Variants in CCDC171 observed in about 807,000 individuals in gnomAD.
The protein encoded by CCDC171 is coiled-coil domain-containing protein 171.
A neutral mutation model predicts 168.2 loss-of-function variants in CCDC171; 177 were observed. The observed-to-expected ratio is 1.05, with a 90% confidence interval of 0.93 to 1.19. The LOEUF (loss-of-function observed/expected upper bound fraction) is 1.19. Ranked by LOEUF, CCDC171 falls within the 50% of genes most tolerant of loss-of-function variation. The pLI is 0.00. For synonymous variants in CCDC171, 687 were observed against 540.8 expected, an observed-to-expected ratio of 1.27 and a Z score of -3.75; for missense variants, 1,991 against 1,539.0, an observed-to-expected ratio of 1.29 and a Z score of -4.91.
chr9:16,087,320 G>A, the CCDC171 span, among the ~76,000 whole-genome samples: 1 of 152,190 alleles, frequency 6.6e-6, no homozygotes, highest in Non-Finnish European at 1.5e-5. Flanking sequence ...GTCTAATATT[G>A]ACAGTGGGGT....
chr9:15,673,504 T>C (rs911355396), intron 9 of CCDC171, among the ~76,000 whole-genome samples: 6 of 152,332 alleles, frequency 3.9e-5, no homozygotes, highest in African/African-American at 1.4e-4. Flanking sequence ...TAGCTCTTAT[T>C]ATTTTGAGAT....
intron 3 of CCDC171, among the ~76,000 whole-genome samples, chr9:15,983,969 T>C (rs186786508): frequency 7.9e-4 from 120 of 152,158 alleles, no homozygotes; most frequent in East Asian, 4.1e-3. Context: ...ACCAGAACCA[T>C]TGAGGCAGCA....
At chr9:15,827,918 G>T (rs2060081102) in intron 21 of CCDC171, among the ~76,000 whole-genome samples, 1 of 152,124 alleles carries the variant, frequency 6.6e-6, no homozygotes, top group African/African-American at 2.4e-5. Context: ...TGAAGGAAAA[G>T]GATTCATCTT....
At chr9:15,897,330 A>G (rs887451754) in intron 24 of CCDC171, among the ~76,000 whole-genome samples, 6 of 151,904 alleles carry the variant, frequency 3.9e-5, no homozygotes, top group African/African-American at 1.5e-4. Context: ...GATTTGCTAT[A>G]ATTTCTAAGC....
intron 21 of CCDC171, among the ~76,000 whole-genome samples, chr9:15,836,256 T>A (rs1327908001): frequency 6.6e-6 from 1 of 152,230 alleles, no homozygotes; most frequent in Non-Finnish European, 1.5e-5. Context: ...TGCATATTCA[T>A]CATGGGTCAG....
chr9:15,886,865 C>T (rs913926660), intron 24 of CCDC171: 2 of 151,890 alleles, frequency 1.3e-5, no homozygotes, highest in African/African-American at 4.8e-5. Context: ...GGACATTATG[C>T]TAAGCGAAAT....
At chr9:16,037,069 A>G (rs1833484221) in intron 8 of CCDC171, among the ~76,000 whole-genome samples, 1 of 152,234 alleles carries the variant, frequency 6.6e-6, no homozygotes, top group Non-Finnish European at 1.5e-5. Context: ...AATAAGTTCT[A>G]ATGTTCTATA....
chr9:15,621,667 A>G (rs528957498), intron 6 of CCDC171, among the ~76,000 whole-genome samples: 1 of 152,212 alleles, frequency 6.6e-6, no homozygotes, highest in Admixed American at 6.5e-5. Flanking sequence ...GGGAACACTT[A>G]TGCATTATTG....
At chr9:15,644,362 G>A (rs1162700700) in intron 7 of CCDC171, among the ~76,000 whole-genome samples, 2 of 152,162 alleles carry the variant, frequency 1.3e-5, no homozygotes, top group African/African-American at 2.4e-5. Context: ...GAGGTACTGG[G>A]TTCATCTCAC....
At chr9:15,901,977 C>G (rs1341544229) in intron 24 of CCDC171, among the ~76,000 whole-genome samples, 2 of 152,100 alleles carry the variant, frequency 1.3e-5, no homozygotes, top group Non-Finnish European at 2.9e-5. Context: ...TACTCTTGAA[C>G]TTGTGTAAGA....
intron 7 of CCDC171, among the ~76,000 whole-genome samples, chr9:15,648,006 C>G (rs940040526): frequency 1.3e-5 from 2 of 152,210 alleles, no homozygotes; most frequent in African/African-American, 4.8e-5. Flanking sequence ...CAATAAAATA[C>G]TGGCAAACCG....
chr9:16,057,044 A>G (rs938416174), intron 1 of CCDC171, among the ~76,000 whole-genome samples: 5 of 152,208 alleles, frequency 3.3e-5, no homozygotes, highest in Non-Finnish European at 7.4e-5. Flanking sequence ...GCCTGAGTTC[A>G]GTTTTAGTTT....
At chr9:16,007,092 C>T (rs1322031037) in intron 3 of CCDC171, among the ~76,000 whole-genome samples, 3 of 152,154 alleles carry the variant, frequency 2.0e-5, no homozygotes, top group East Asian at 3.9e-4. Flanking sequence ...CTCCAGCACC[C>T]ATTGTTTCCT....
At chr9:16,021,300 A>G (rs538380995) in intron 4 of CCDC171, among the ~76,000 whole-genome samples, 3 of 152,256 alleles carry the variant, frequency 2.0e-5, no homozygotes, top group African/African-American at 7.2e-5. Flanking sequence ...GTTGGCCAGG[A>G]TGGTCTCAAT....
intron 18 of CCDC171, among the ~76,000 whole-genome samples, chr9:15,772,725 A>T (rs530220052): frequency 6.6e-6 from 1 of 152,328 alleles, no homozygotes; most frequent in African/African-American, 2.4e-5. Context: ...AGGCAGTGTG[A>T]TGAGATCCTA....
In CCDC171 at chr9:15,695,256, C is replaced by T. The variant is rs770145058; in HGVS notation, c.1237C>T (p.Leu413=). The T allele has an allele frequency of 1.2e-5, 19 of 1,613,736 alleles. No individual in the cohort carries two copies. Among genetic ancestry groups the T allele is most frequent in the Non-Finnish European group, 1.6e-5 (19 of 1,179,694 alleles). ...AAAGGCTAAGAAGCACCAGGCCTTCCTAGTAGAGACATGTGAAAATAACGT... is the reference window on the plus strand; with the variant it reads ...AAAGGCTAAGAAGCACCAGGCCTTCTTAGTAGAGACATGTGAAAATAACGT... The part of the protein sequence containing the change: ...LVMAKKHQAF[L]VETCENNVKE... The change falls in exon 11 of 26, where the codon CTA becomes TTA. Residue 413 remains leucine (L), a synonymous_variant. Transcript: ENST00000380701.
chr9:15,675,506 G>A (rs915247579), intron 9 of CCDC171, among the ~76,000 whole-genome samples: 2 of 152,146 alleles, frequency 1.3e-5, no homozygotes, highest in African/African-American at 2.4e-5. Context: ...TGCAGTGGCT[G>A]GTACCAGTTG....
At chr9:16,008,550 G>A (rs1220420657) in intron 3 of CCDC171, among the ~76,000 whole-genome samples, 2 of 152,084 alleles carry the variant, frequency 1.3e-5, no homozygotes, top group Non-Finnish European at 2.9e-5. Flanking sequence ...AAATGCTTAG[G>A]CGTCTCATGG....
chr9:15,579,932 C>T (rs931166934), intron 4 of CCDC171, among the ~76,000 whole-genome samples: 1 of 152,062 alleles, frequency 6.6e-6, no homozygotes, highest in African/African-American at 2.4e-5. Flanking sequence ...CATTCTTGTA[C>T]ACAGCAGGTT....
Sources: gnomAD v4.1 joint callset for allele counts (sites outside exome capture counted in the v4.1 genomes callset) on GRCh38, gnomAD v4.1.1 for gene constraint, MANE v1.5 for transcripts, NCBI Gene and HGNC (gene_info 2026-07-23, HGNC 2026-07-21) for gene names.